ABR: variants seen among roughly 807,000 people sequenced by gnomAD.
ABR encodes active breakpoint cluster region-related protein.
In ABR, 35 loss-of-function variants were observed where a neutral mutation model predicts 107.2. The ratio of observed to expected loss-of-function variants is 0.33; its 90% CI spans 0.25 to 0.43. The LOEUF is 0.43. ABR is among the 20% of genes least tolerant of loss of function. ABR has a pLI of 1.00. For synonymous variants in ABR, 498 were observed against 462.0 expected (o/e 1.08, Z -1.00); for missense variants, 815 against 1,115.2 (o/e 0.73, Z 3.83).
intron 16 of ABR, among the ~76,000 whole-genome samples, chr17:1,018,203 C>T (rs868771595): frequency 7.8e-4 from 119 of 152,158 alleles, no homozygotes; most frequent in East Asian, 2.7e-3. Flanking sequence ...CCACCACCCC[C>T]GGCTAATTTT....
At chr17:1,072,582 G>C (rs1026959747) in intron 8 of ABR, 32 bp downstream of exon 8, 1 of 1,581,294 alleles carries the variant, frequency 6.3e-7, no homozygotes, top group Non-Finnish European at 8.6e-7. Context: ...TTCTCAGCCT[G>C]GGTGAGGGGC....
At chr17:1,061,793 C>T (rs535775549) in intron 10 of ABR, among the ~76,000 whole-genome samples, 1 of 152,282 alleles carries the variant, frequency 6.6e-6, no homozygotes, top group Non-Finnish European at 1.5e-5. Context: ...GTGACCCACC[C>T]GTCTCAGCCT....
At chr17:1,079,197 TCACA>T in intron 6 of ABR, 129 bp downstream of exon 6, 2 of 1,484,362 alleles carry the variant, frequency 1.3e-6, no homozygotes, top group East Asian at 2.5e-5. Context: ...TCACACGCGC[TCACA>T]CACGCTCACG....
chr17:1,078,819 G>A lies in ABR; in HGVS notation c.700+511C>T. On this transcript the variant is annotated intron_variant, in intron 6 of 22. Coordinates refer to ENST00000302538, the MANE Select transcript of ABR (RefSeq NM_021962.5). The surrounding 1 kb of genome is among the most constrained non-coding windows in gnomAD (Gnocchi z 7.5). ...ACAGCGAGCACCTGGGTTACCATAG[G>A]TGCAGTTACAGCAGAAGCGAATAAT... 1 of 1,535,566 alleles carries A rather than the reference G, an allele frequency of 6.5e-7. No individual in the cohort carries two copies. The highest frequency in any genetic ancestry group is 8.7e-7 in the Non-Finnish European group (1 of 1,146,830).
At chr17:1,060,791 G>A (rs1186167896) in intron 10 of ABR, among the ~76,000 whole-genome samples, 1 of 152,042 alleles carries the variant, frequency 6.6e-6, no homozygotes, top group Non-Finnish European at 1.5e-5. Context: ...AGGAGTTTGA[G>A]ACCAGCCTGG....
At chr17:1,161,747 G>GT (rs1288724702) in intron 1 of ABR, among the ~76,000 whole-genome samples, 2 of 151,936 alleles carry the variant, frequency 1.3e-5, no homozygotes, top group African/African-American at 4.8e-5. Flanking sequence ...TAGAGACAGG[G>GT]TTTCACCATG....
At chr17:1,147,912 G>T (rs942877125) in intron 1 of ABR, among the ~76,000 whole-genome samples, 1 of 152,188 alleles carries the variant, frequency 6.6e-6, no homozygotes, top group African/African-American at 2.4e-5. Flanking sequence ...GGAAAGCAAG[G>T]TGGAATGTCT....
At chr17:1,054,533 C>T (rs78182525) in intron 14 of ABR, among the ~76,000 whole-genome samples, 9 of 9,522 alleles carry the variant, frequency 9.5e-4, no homozygotes, top group African/African-American at 2.4e-3. Flanking sequence ...GGGATGGGGG[C>T]ACAAAGAACC....
At chr17:1,093,947 T>C (rs1310277083) in intron 3 of ABR, among the ~76,000 whole-genome samples, 1 of 152,174 alleles carries the variant, frequency 6.6e-6, no homozygotes, top group African/African-American at 2.4e-5. Flanking sequence ...AGCAGGACCC[T>C]CCTTCTGACC....
chr17:1,170,006 GT>G lies in ABR; in HGVS notation c.61+9660del, dbSNP rs201719864. ...TGTGTTTGTGTTTGTGTGTGTGTGT[GT>G]GGGGGGGGGGTGTGTTTGTGTATGT... is the stretch of plus-strand genomic sequence containing the variant. On this transcript the variant is annotated intron_variant, in intron 1 of 22. Transcript: ENST00000302538. Among the ~76,000 whole-genome samples, 208 of 111,768 alleles carry G rather than the reference GT, an allele frequency of 1.9e-3. 1 individual carries two copies. The highest frequency in any genetic ancestry group is 6.8e-3 in the African/African-American group (181 of 26,590). 73.3% of individuals were successfully genotyped at this position (111,768 alleles called of 152,430 possible).
At chr17:1,125,391 C>T in intron 1 of ABR, 24 bp from the exon 2 acceptor site, 2 of 1,610,042 alleles carry the variant, frequency 1.2e-6, no homozygotes, top group South Asian at 1.1e-5. Context: ...CAAGAAAGGC[C>T]ACTGAGAATC....
At chr17:1,212,580 C>T (rs1014365379) in intron 1 of ABR, among the ~76,000 whole-genome samples, 1 of 151,128 alleles carries the variant, frequency 6.6e-6, no homozygotes, top group Non-Finnish European at 1.5e-5. Flanking sequence ...CATGGTGAAA[C>T]CTCGTCTCTA....
intron 3 of ABR, 116 bp from the exon 4 acceptor site, chr17:1,091,966 C>T (rs2037060743): frequency 2.6e-6 from 3 of 1,133,368 alleles, no homozygotes; most frequent in African/African-American, 1.6e-5. Context: ...CCAGACAAGG[C>T]TGCCAAAGGC....
chr17:1,018,344 G>A (rs1369121029), intron 16 of ABR, among the ~76,000 whole-genome samples: 2 of 152,296 alleles, frequency 1.3e-5, no homozygotes, highest in African/African-American at 4.8e-5. Context: ...GCCTGGCCCG[G>A]GCCCTTATTT....
In ABR at chr17:1,018,084, C is replaced by T. The variant is rs925933855; in HGVS notation, c.1792-4920G>A. 2.9e-4 allele frequency among the ~76,000 whole-genome samples: 43 copies of T among 150,086 alleles called. 1 individual carries two copies. Among genetic ancestry groups the T allele is most frequent in the Admixed American group, 2.3e-3 (34 of 15,090 alleles). On this transcript the variant is annotated intron_variant, in intron 16 of 22. Transcript: ENST00000302538. ...TTGAGACGGAGTCTTGCTCTGTCGCCCAGGCTGGAGTGCTGTGGCGCGATC... is the reference window on the plus strand; with the variant it reads ...TTGAGACGGAGTCTTGCTCTGTCGCTCAGGCTGGAGTGCTGTGGCGCGATC...
At chr17:1,207,839 G>C (rs905284721) in intron 1 of ABR, among the ~76,000 whole-genome samples, 1 of 151,228 alleles carries the variant, frequency 6.6e-6, no homozygotes, top group Non-Finnish European at 1.5e-5. Flanking sequence ...GTGCGATCTC[G>C]GCTCACTGCA....
At chr17:1,228,884 C>A (rs1598161902) in exon 1 of ABR, 2 of 151,756 alleles carry the variant, frequency 1.3e-5, no homozygotes, top group Non-Finnish European at 2.9e-5. Flanking sequence ...CCCGCTCGGG[C>A]ACCCGCAGGA....
chr17:1,190,285 C>T (rs1190073504), upstream of ABR, among the ~76,000 whole-genome samples: 2 of 152,208 alleles, frequency 1.3e-5, no homozygotes, highest in Non-Finnish European at 2.9e-5. Flanking sequence ...ACTAAGGGAA[C>T]TTCGGTCTCA....
chr17:1,066,603 A>T (rs1232991237), intron 10 of ABR, among the ~76,000 whole-genome samples: 2 of 151,030 alleles, frequency 1.3e-5, no homozygotes, highest in Admixed American at 1.3e-4. Context: ...TTCTTGGCTC[A>T]CTGCAACCTC....
Sources: gnomAD v4.1 joint callset for allele counts (sites outside exome capture counted in the v4.1 genomes callset) on GRCh38, gnomAD v4.1.1 for gene constraint, Gnocchi (gnomAD v3.1) non-coding constraint, MANE v1.5 for transcripts, NCBI Gene and HGNC (gene_info 2026-07-23, HGNC 2026-07-21) for gene names.